FAM171A1: variants seen among roughly 807,000 people sequenced by gnomAD.
FAM171A1 encodes the protein family with sequence similarity 171 member A1.
In FAM171A1, 23 loss-of-function variants were observed where a neutral mutation model predicts 74.9. The observed-to-expected ratio is 0.31, with a 90% CI of 0.22 to 0.44. The LOEUF (loss-of-function observed/expected upper bound fraction) is 0.44, where lower values mean the gene tolerates loss of function less well. Ranked by LOEUF, FAM171A1 falls within the 20% of genes least tolerant of loss-of-function variation. The pLI, the probability that FAM171A1 is intolerant of heterozygous loss-of-function variation, is 1.00. For synonymous variants in FAM171A1, 527 were observed against 505.7 expected, an observed-to-expected ratio of 1.04 and a Z score of -0.57; for missense variants, 1,162 against 1,159.2, an observed-to-expected ratio of 1.00 and a Z score of -0.03.
At chr10:15,267,136 G>T (rs550850356) in intron 3 of FAM171A1, among the ~76,000 whole-genome samples, 1 of 152,166 alleles carries the variant, frequency 6.6e-6, no homozygotes. Flanking sequence ...TACCCCACAG[G>T]GGGGCTACTG....
intron 5 of FAM171A1, among the ~76,000 whole-genome samples, chr10:15,236,331 C>G (rs1289465304): frequency 6.6e-6 from 1 of 150,902 alleles, no homozygotes; most frequent in Non-Finnish European, 1.5e-5. Context: ...TAAATAATAG[C>G]AGCGATGATG....
chr10:15,367,540 T>C (rs1836080475), intron 1 of FAM171A1, among the ~76,000 whole-genome samples: 1 of 152,194 alleles, frequency 6.6e-6, no homozygotes. Flanking sequence ...GAAGTCATGC[T>C]CTTAATACAA....
At chr10:15,370,096 C>T (rs1338498864) in intron 1 of FAM171A1, among the ~76,000 whole-genome samples, 1 of 109,136 alleles carries the variant, frequency 9.2e-6, no homozygotes, top group African/African-American at 2.9e-5. Context: ...CCTCAAAAAA[C>T]GCTGATTTTA....
chr10:15,212,700 C>CTT lies in FAM171A1; in HGVS notation c.*213_*214dup, dbSNP rs989852092. 1.0e-5 allele frequency: 7 copies of CTT among 675,706 alleles called. No individual in the cohort carries two copies. Among genetic ancestry groups the CTT allele is most frequent in the Non-Finnish European group, 1.4e-5 (6 of 416,956 alleles). 41.9% of individuals were successfully genotyped at this position (675,706 alleles called of 1,614,324 possible). The stretch of plus-strand genomic sequence containing the variant: ...TCTGGACACCACTTTCAGCCACCTC[C>CTT]TTGCAGGGGCGACATCCGCCAAAGT... On this transcript the variant is annotated 3_prime_UTR_variant, in exon 8 of 8. Coordinates refer to ENST00000378116, the MANE Select transcript of FAM171A1 (RefSeq NM_001010924.2).
intron 1 of FAM171A1, among the ~76,000 whole-genome samples, chr10:15,369,556 T>C (rs1176198134): frequency 1.3e-5 from 2 of 152,236 alleles, no homozygotes. Context: ...ATAACGGTCA[T>C]ATTCTACCAT....
intron 1 of FAM171A1, among the ~76,000 whole-genome samples, chr10:15,313,611 G>C (rs760761504): frequency 1.3e-5 from 2 of 152,112 alleles, no homozygotes; most frequent in South Asian, 2.1e-4. Flanking sequence ...TCTGAGTACC[G>C]GTAGGTTTGT....
intron 1 of FAM171A1, among the ~76,000 whole-genome samples, chr10:15,308,957 C>T (rs899556659): frequency 1.3e-5 from 2 of 152,146 alleles, no homozygotes; most frequent in African/African-American, 4.8e-5. Flanking sequence ...TGAGCCACTG[C>T]AGCCGGCTGA....
intron 2 of FAM171A1, among the ~76,000 whole-genome samples, chr10:15,276,791 C>T (rs544224949): frequency 3.3e-5 from 5 of 152,090 alleles, no homozygotes; most frequent in Admixed American, 2.0e-4. Flanking sequence ...CTCAAGTATC[C>T]CTGCTGCCTT....
intron 3 of FAM171A1, among the ~76,000 whole-genome samples, chr10:15,265,742 T>C (rs1461590813): frequency 6.6e-6 from 1 of 152,076 alleles, no homozygotes; most frequent in East Asian, 1.9e-4. Flanking sequence ...GGCACAGACC[T>C]GGCAGGACCG....
chr10:15,357,597 T>C lies in FAM171A1; in HGVS notation c.97+13359A>G, dbSNP rs140920312. 4.0e-3 allele frequency among the ~76,000 whole-genome samples: 613 copies of C among 152,298 alleles called. 7 individuals are homozygous for C. Among genetic ancestry groups the C allele is most frequent in the Middle Eastern group, 0.017 (5 of 294 alleles). The stretch of plus-strand genomic sequence containing the variant: ...CTTAATATTTGTGAATTTCCTGGTA[T>C]GTAAATTTCCCTAAGAGGAAAAATA... On this transcript the variant is annotated intron_variant, in intron 1 of 7. Coordinates refer to ENST00000378116, the MANE Select transcript of FAM171A1 (RefSeq NM_001010924.2).
At position 15,213,371 on chromosome 10, in the gene FAM171A1, A is replaced by C; in HGVS notation, c.2217T>G (p.Ser739Arg). The change falls in exon 8 of 8, where the codon AGT becomes AGG. Residue 739 changes from serine to arginine, a missense_variant. By Grantham distance (110) the Ser-to-Arg change is moderately radical (BLOSUM62 -1). Coordinates refer to ENST00000378116, the MANE Select transcript of FAM171A1 (RefSeq NM_001010924.2). This position sits in a 1 kb window ranked among gnomAD's most constrained non-coding sequence, Gnocchi z 6.8. ...CATTCATATCTACGCCAGAGTCCAA[A>C]CTGGCATCATTACTTCCGTTCCTTC... ...RAGRNGSNDA[S>R]LDSGVDMNEP... The C allele has an allele frequency of 6.2e-7, 1 of 1,614,122 alleles. No individual in the cohort carries two copies. The highest frequency in any genetic ancestry group is 8.5e-7 in the Non-Finnish European group (1 of 1,180,022).
chr10:15,269,173 A>T (rs1303492318), intron 3 of FAM171A1, among the ~76,000 whole-genome samples: 1 of 152,110 alleles, frequency 6.6e-6, no homozygotes, highest in Non-Finnish European at 1.5e-5. Context: ...GAGTGCAGTG[A>T]TACGATCACG....
intron 5 of FAM171A1, among the ~76,000 whole-genome samples, chr10:15,242,088 A>G (rs189629080): frequency 4.8e-4 from 73 of 152,336 alleles, no homozygotes; most frequent in Middle Eastern, 3.4e-3. Flanking sequence ...TTAAAGTATT[A>G]AACTATTTGA....
chr10:15,269,439 T>C (rs1485177504), intron 3 of FAM171A1, among the ~76,000 whole-genome samples: 1 of 152,028 alleles, frequency 6.6e-6, no homozygotes, highest in Non-Finnish European at 1.5e-5. Context: ...TTAGATGGAA[T>C]AGTATGCTCT....
At chr10:15,214,647 C>T (rs772644411) in intron 7 of FAM171A1, 46 bp from the exon 8 acceptor site, 2 of 1,498,120 alleles carry the variant, frequency 1.3e-6, no homozygotes, top group Non-Finnish European at 1.8e-6. Context: ...GTGATTCTCA[C>T]AATGAAAAAG....
At chr10:15,341,122 T>A (rs1462417992) in intron 1 of FAM171A1, among the ~76,000 whole-genome samples, 1 of 152,196 alleles carries the variant, frequency 6.6e-6, no homozygotes, top group East Asian at 1.9e-4. Context: ...TAGGGTTGGA[T>A]AGAATTTATT....
At chr10:15,320,875 C>A (rs181982878) in intron 1 of FAM171A1, among the ~76,000 whole-genome samples, 72 of 152,276 alleles carry the variant, frequency 4.7e-4, no homozygotes, top group African/African-American at 1.6e-3. Context: ...GAAAAATTAT[C>A]AATGAAAAGT....
At chr10:15,244,670 T>C (rs1469731156) in intron 5 of FAM171A1, among the ~76,000 whole-genome samples, 1 of 152,084 alleles carries the variant, frequency 6.6e-6, no homozygotes, top group East Asian at 1.9e-4. Context: ...GCATAGGGAG[T>C]AACTGGTACC....
intron 1 of FAM171A1, among the ~76,000 whole-genome samples, chr10:15,285,908 T>C (rs1181517185): frequency 3.9e-5 from 6 of 152,228 alleles, no homozygotes; most frequent in Non-Finnish European, 8.8e-5. Context: ...CTTGCAGGTA[T>C]TGCCCAGTGG....
Sources: gnomAD v4.1 joint callset for allele counts (sites outside exome capture counted in the v4.1 genomes callset) on GRCh38, gnomAD v4.1.1 for gene constraint, Gnocchi (gnomAD v3.1) non-coding constraint, MANE v1.5 for transcripts, NCBI Gene and HGNC (gene_info 2026-07-23, HGNC 2026-07-21) for gene names.